Variants in PROSER2 observed in about 807,000 individuals in gnomAD.
PROSER2 encodes the protein proline and serine rich 2.
In PROSER2, 18 loss-of-function variants were observed where a neutral mutation model predicts 14.6. That is an observed-to-expected ratio of 1.23 (90% CI 0.85 to 1.83). The LOEUF is 1.83. PROSER2 is among the 40% of genes most tolerant of loss of function. The probability of loss-of-function intolerance (pLI) is 0.00; values close to 1 mark genes in which losing one functional copy is unlikely to be tolerated. For synonymous variants in PROSER2, 367 were observed against 286.4 expected, an observed-to-expected ratio of 1.28 and a Z score of -2.84; for missense variants, 823 against 629.8, an observed-to-expected ratio of 1.31 and a Z score of -3.28.
At position 11,836,962 on chromosome 10, in the gene PROSER2, C is replaced by T. The variant is rs1833770297; in HGVS notation, c.-82+13492C>T. Among the ~76,000 whole-genome samples, 2 of 152,190 alleles carry T rather than the reference C, an allele frequency of 1.3e-5. No homozygotes were observed. The highest frequency in any genetic ancestry group is 2.9e-5 in the Non-Finnish European group (2 of 68,030). On this transcript the variant is annotated intron_variant, in intron 1 of 3. Transcript: ENST00000277570. The surrounding 1 kb of genome is among the most constrained non-coding windows in gnomAD (Gnocchi z 4.6). ...TTCTGAGTAGTGGGATGAAATGCGTCGTTCTGATCCATTGCCTCCTGCATG... is the reference window on the plus strand; with the variant it reads ...TTCTGAGTAGTGGGATGAAATGCGTTGTTCTGATCCATTGCCTCCTGCATG...
intron 2 of PROSER2, among the ~76,000 whole-genome samples, chr10:11,860,639 G>T (rs72774089): frequency 0.095 from 14,364 of 151,516 alleles, 894 homozygotes; most frequent in Non-Finnish European, 0.14. Flanking sequence ...ATGGATTTTT[G>T]TCTCATTTTA....
At position 11,840,528 on chromosome 10, in the gene PROSER2, T is replaced by A. The variant is rs562529274; in HGVS notation, c.-81-11469T>A. ...TTATAGACCCAGTTTACTAATAATT[T>A]TATTTGGGACTTTTTGCATCTGCAT... is the stretch of plus-strand genomic sequence containing the variant. On this transcript the variant is annotated intron_variant, in intron 1 of 3. Coordinates refer to ENST00000277570, the MANE Select transcript of PROSER2 (RefSeq NM_153256.4). Among the ~76,000 whole-genome samples the A allele has an allele frequency of 5.3e-5, 8 of 152,258 alleles. No homozygotes were observed. The East Asian group carries it at 1.5e-3, about 29-fold the overall frequency.
At chr10:11,858,663 G>A (rs1238705365) in intron 2 of PROSER2, among the ~76,000 whole-genome samples, 2 of 152,156 alleles carry the variant, frequency 1.3e-5, no homozygotes, top group Non-Finnish European at 2.9e-5. Flanking sequence ...TTGAAGCAAA[G>A]CAATATTTCC....
chr10:11,847,195 T>C (rs953712820), intron 1 of PROSER2, among the ~76,000 whole-genome samples: 4 of 145,556 alleles, frequency 2.7e-5, no homozygotes, highest in Non-Finnish European at 6.0e-5. Flanking sequence ...GAATCCAAAA[T>C]GCTTTTCTTC....
In PROSER2 at chr10:11,870,191, TC is replaced by T; in HGVS notation, c.1096del (p.Leu366SerfsTer85). 1 of 1,487,142 alleles carries T rather than the reference TC, an allele frequency of 6.7e-7. No individual in the cohort carries two copies. Among genetic ancestry groups the T allele is most frequent in the Non-Finnish European group, 8.9e-7 (1 of 1,125,888 alleles). The allele number at this position is 1,487,142 out of a possible 1,614,324, so 92.1% of individuals were successfully genotyped here. ...APSSFAPAGK[S>X]LCFRPGPALP... is the part of the protein sequence containing the mutation. ...CAGCTCCTTCGCGCCCGCTGGGAAGTCCCTCTGCTTCCGCCCTGGCCCGGCC... is the reference window on the plus strand; with the variant it reads ...CAGCTCCTTCGCGCCCGCTGGGAAGTCCTCTGCTTCCGCCCTGGCCCGGCC... On this transcript the variant is annotated frameshift_variant, in exon 4 of 4. Transcript: ENST00000277570. LOFTEE classifies it low-confidence loss of function (END_TRUNC).
intron 3 of PROSER2, among the ~76,000 whole-genome samples, chr10:11,868,203 C>A (rs1834392812): frequency 6.6e-6 from 1 of 152,250 alleles, no homozygotes; most frequent in East Asian, 1.9e-4. Context: ...ATCACGTAGT[C>A]ATGCCAAGGA....
At chr10:11,840,924 A>G (rs1200807068) in intron 1 of PROSER2, among the ~76,000 whole-genome samples, 1 of 47,124 alleles carries the variant, frequency 2.1e-5, no homozygotes, top group African/African-American at 8.8e-5. Context: ...GACTGTCTCA[A>G]AAAAAAAAAA....
chr10:11,840,938 AAAAAAAAAAAAAAAAAAATATATAT>A (rs1358622004), intron 1 of PROSER2, among the ~76,000 whole-genome samples: 9 of 62,690 alleles, frequency 1.4e-4, no homozygotes, highest in African/African-American at 2.7e-4. Flanking sequence ...AAAAAAAAAA[AAAAAAAAAAAAAAAAAAATATATAT>A]ATATATATAT....
At chr10:11,831,288 T>C (rs534386904) in intron 1 of PROSER2, among the ~76,000 whole-genome samples, 1 of 152,298 alleles carries the variant, frequency 6.6e-6, no homozygotes, top group South Asian at 2.1e-4. Context: ...AATTCCTTCC[T>C]AGCAAGAAGT....
chr10:11,853,962 C>T (rs553064688), intron 2 of PROSER2, among the ~76,000 whole-genome samples: 6 of 152,268 alleles, frequency 3.9e-5, no homozygotes, highest in South Asian at 4.2e-4. Flanking sequence ...TGTTCCCTGC[C>T]GTGCCTGTCC....
chr10:11,864,405 T>C (rs184514042), intron 2 of PROSER2, among the ~76,000 whole-genome samples: 316 of 152,322 alleles, frequency 2.1e-3, no homozygotes, highest in Non-Finnish European at 3.4e-3. Context: ...TTTTAAATTT[T>C]TTCCACATTT....
chr10:11,825,214 C>T (rs1326999447), intron 1 of PROSER2, among the ~76,000 whole-genome samples: 4 of 151,246 alleles, frequency 2.6e-5, no homozygotes, highest in Non-Finnish European at 4.4e-5. Flanking sequence ...AGAGGAAGGG[C>T]CTGCGTAGAG....
chr10:11,834,718 G>A (rs1833735071), intron 1 of PROSER2, among the ~76,000 whole-genome samples: 1 of 152,124 alleles, frequency 6.6e-6, no homozygotes, highest in African/African-American at 2.4e-5. Context: ...CTGGGTGACA[G>A]AGCAAGACTC....
chr10:11,863,308 C>T (rs1053156332), intron 2 of PROSER2, among the ~76,000 whole-genome samples: 2 of 152,142 alleles, frequency 1.3e-5, no homozygotes, highest in African/African-American at 4.8e-5. Flanking sequence ...ATTTGAATAC[C>T]TCTCAGATCA....
intron 1 of PROSER2, among the ~76,000 whole-genome samples, chr10:11,824,239 AGT>A (rs753080219): frequency 2.6e-5 from 4 of 152,214 alleles, no homozygotes; most frequent in South Asian, 4.1e-4. Flanking sequence ...AAGGAAAATG[AGT>A]GTGTGTGTGT....
At chr10:11,846,160 T>C (rs978066844) in intron 1 of PROSER2, among the ~76,000 whole-genome samples, 1 of 152,172 alleles carries the variant, frequency 6.6e-6, no homozygotes, top group African/African-American at 2.4e-5. Flanking sequence ...CTCATTTTTG[T>C]ATTTTTAGTA....
chr10:11,841,207 G>C (rs1189151842), intron 1 of PROSER2, among the ~76,000 whole-genome samples: 2 of 151,204 alleles, frequency 1.3e-5, no homozygotes, highest in Non-Finnish European at 2.9e-5. Flanking sequence ...ATTCTTCCAG[G>C]AATTTGTCCA....
rs115575688 is a variant in PROSER2, at chr10:11,838,457, G to C, written c.-81-13540G>C. Among the ~76,000 whole-genome samples the C allele has an allele frequency of 1.1e-3, 162 of 152,326 alleles. No individual in the cohort carries two copies. The highest frequency in any genetic ancestry group is 3.8e-3 in the African/African-American group (160 of 41,568). ...GGACTGCCACCAACTCTTCTCAACA[G>C]CAGGCAACACTGTATACCCATCCCG... On this transcript the variant is annotated intron_variant, in intron 1 of 3. Coordinates refer to ENST00000277570, the MANE Select transcript of PROSER2 (RefSeq NM_153256.4). This position sits in a 1 kb window ranked among gnomAD's most constrained non-coding sequence, Gnocchi z 4.4.
At chr10:11,861,963 C>A (rs1392681778) in intron 2 of PROSER2, among the ~76,000 whole-genome samples, 4 of 152,238 alleles carry the variant, frequency 2.6e-5, no homozygotes, top group Admixed American at 2.6e-4. Context: ...AGAGCCAGAT[C>A]TGTGCATCTA....
Sources: allele counts gnomAD v4.1 joint callset (sites outside exome capture counted in the v4.1 genomes callset), GRCh38; gene constraint gnomAD v4.1.1; non-coding constraint Gnocchi (gnomAD v3.1); transcripts MANE v1.5; gene names NCBI Gene and HGNC (gene_info 2026-07-23, HGNC 2026-07-21).